The following CNR2 variants were observed in gnomAD, a reference collection of about 807,000 sequenced individuals.
CNR2 encodes cannabinoid receptor 2.
For missense variants in CNR2, 379 were observed against 439.9 expected (o/e 0.86, Z 1.24); for synonymous variants, 172 against 182.2 (o/e 0.94, Z 0.45).
At chr1:23,891,252 G>A (rs1417056633) in intron 1 of CNR2, among the ~76,000 whole-genome samples, 5 of 151,038 alleles carry the variant, frequency 3.3e-5, no homozygotes, top group Non-Finnish European at 1.5e-5. Context: ...GCTGTAGACT[G>A]TGGGGTTTTT....
intron 1 of CNR2, among the ~76,000 whole-genome samples, chr1:23,886,397 G>T (rs1228137864): frequency 2.0e-5 from 3 of 152,132 alleles, no homozygotes; most frequent in Admixed American, 6.5e-5. Context: ...CTGTCGAAAG[G>T]GAAGACAGGG....
At chr1:23,902,710 T>C (rs1031826979) in intron 1 of CNR2, 18 of 1,588,600 alleles carry the variant, frequency 1.1e-5, no homozygotes, top group Non-Finnish European at 1.5e-5. Context: ...TTGTTGAACA[T>C]GAGCGCGTTC....
Position 23,874,225 on chromosome 1 carries a change from TTGGCTCC to T in CNR2, c.*303_*309del. On this transcript the variant is annotated 3_prime_UTR_variant, in exon 2 of 2. Coordinates refer to ENST00000374472, the MANE Select transcript of CNR2 (RefSeq NM_001841.3). ...TCATTGCTGGGCCTGGAGGCTCGCT[TTGGCTCC>T]TGTGGTCTCTGGAGGATGCAGGCAT... is the stretch of plus-strand genomic sequence containing the variant. 1 of 249,296 alleles carries T rather than the reference TTGGCTCC, an allele frequency of 4.0e-6. No individual in the cohort carries two copies. The highest frequency in any genetic ancestry group is 7.8e-6 in the Non-Finnish European group (1 of 127,818). The allele number at this position is 249,296 out of a possible 1,614,324, so 15.4% of individuals were successfully genotyped here.
chr1:23,876,303 C>T (rs1639873133), intron 1 of CNR2, among the ~76,000 whole-genome samples: 1 of 151,550 alleles, frequency 6.6e-6, no homozygotes, highest in Non-Finnish European at 1.5e-5. Context: ...GCCTCCCAGG[C>T]ACAAGAGATT....
rs755166037 is a variant in CNR2 at position 23,875,660 on chromosome 1, T to C, written c.-43A>G. The C allele has an allele frequency of 6.5e-7, 1 of 1,545,626 alleles. No homozygotes were observed. Among genetic ancestry groups the C allele is most frequent in the Non-Finnish European group, 8.7e-7 (1 of 1,145,994 alleles). ...TTCCACTGAGCTTGTCTAGAAGGCT[T>C]TGCTGCAGTACAATGAGAAGAAGAA... On this transcript the variant is annotated splice_region_variant and 5_prime_UTR_variant, in exon 2 of 2. Transcript: ENST00000374472.
chr1:23,878,171 C>T (rs181161998), intron 1 of CNR2, among the ~76,000 whole-genome samples: 1 of 152,066 alleles, frequency 6.6e-6, no homozygotes, highest in Admixed American at 6.6e-5. Flanking sequence ...ATCCATCCAG[C>T]CTGGGCAACA....
chr1:23,880,240 C>T lies in CNR2; in HGVS notation c.-45-4578G>A, dbSNP rs943640541. 4.3e-5 allele frequency among the ~76,000 whole-genome samples: 6 copies of T among 140,356 alleles called. No homozygotes were observed. In the South Asian group the frequency reaches 1.3e-3, roughly 31 times the overall value. The allele number at this position is 140,356 out of a possible 152,430, so 92.1% of individuals were successfully genotyped here. On this transcript the variant is annotated intron_variant, in intron 1 of 1. Transcript: ENST00000374472. ...TCACCTAGGCTGGAGTGCAGTGGCA[C>T]AATCTCGGCTCACTGCAACCTCCGC...
rs190076244 is a variant in CNR2 at position 23,888,285 on chromosome 1, C to T, written c.-45-12623G>A. On this transcript the variant is annotated intron_variant, in intron 1 of 1. Coordinates refer to ENST00000374472, the MANE Select transcript of CNR2 (RefSeq NM_001841.3). ...AGTGAAGAGTGTTCTAGTTCCACCT[C>T]CACCATGGCTCATCAGGTGACTTTG... Among the ~76,000 whole-genome samples the T allele has an allele frequency of 1.9e-4, 29 of 152,312 alleles. No individual in the cohort carries two copies. In the East Asian group the frequency reaches 5.2e-3, roughly 27 times the overall value.
chr1:23,884,881 A>G (rs1360896613), intron 1 of CNR2, among the ~76,000 whole-genome samples: 3 of 151,106 alleles, frequency 2.0e-5, no homozygotes, highest in Non-Finnish European at 4.4e-5. Context: ...ACTCACTGCA[A>G]CCTCCACCTT....
Position 23,885,601 on chromosome 1 carries a change from C to T in CNR2, c.-45-9939G>A, listed in dbSNP as rs919504682. Among the ~76,000 whole-genome samples the T allele has an allele frequency of 5.9e-5, 9 of 152,218 alleles. No homozygotes were observed. In the East Asian group the frequency reaches 1.2e-3, roughly 20 times the overall value. On this transcript the variant is annotated intron_variant, in intron 1 of 1. Transcript: ENST00000374472. ...GTTGCTAAGAATGATATGCCTGGGCCGGGCGCGGCGGCTCACACCTGTAAT... is the reference window on the plus strand; with the variant it reads ...GTTGCTAAGAATGATATGCCTGGGCTGGGCGCGGCGGCTCACACCTGTAAT...
At chr1:23,894,613 C>T (rs558973521) in intron 1 of CNR2, among the ~76,000 whole-genome samples, 14 of 128,868 alleles carry the variant, frequency 1.1e-4, no homozygotes, top group African/African-American at 4.2e-4. Flanking sequence ...ACCAGCCTGG[C>T]CAACACCGTG....
At chr1:23,904,086 G>A (rs1178138200) in intron 1 of CNR2, among the ~76,000 whole-genome samples, 1 of 151,816 alleles carries the variant, frequency 6.6e-6, no homozygotes, top group African/African-American at 2.4e-5. Context: ...CACACTGCCT[G>A]AAGACAGGAA....
chr1:23,907,981 C>CTTTTTTTTTTTTTTTT (rs35507609), intron 1 of CNR2: 1 of 79,290 alleles, frequency 1.3e-5, no homozygotes. Flanking sequence ...CTAACTACTG[C>CTTTTTTTTTTTTTTTT]TTTTTTTTTT....
chr1:23,894,339 T>G (rs1640239548), intron 1 of CNR2, among the ~76,000 whole-genome samples: 2 of 151,982 alleles, frequency 1.3e-5, no homozygotes, highest in African/African-American at 4.8e-5. Flanking sequence ...GAGAATCACT[T>G]GAACTTGGGA....
chr1:23,898,335 C>CCAATTTTTTTT (rs1230917304), intron 1 of CNR2, among the ~76,000 whole-genome samples: 2 of 108,196 alleles, frequency 1.8e-5, no homozygotes, highest in Admixed American at 2.1e-4. Context: ...CCGCGCCCGG[C>CCAATTTTTTTT]TTTTTTTTTT....
At chr1:23,902,219 CT>C in intron 1 of CNR2, 1 of 1,068,868 alleles carries the variant, frequency 9.4e-7, no homozygotes, top group Non-Finnish European at 1.3e-6. Context: ...TGTTGAGGGC[CT>C]CCCGAGTGAC....
intron 1 of CNR2, among the ~76,000 whole-genome samples, chr1:23,908,398 G>A (rs1426742788): frequency 1.3e-5 from 2 of 152,154 alleles, no homozygotes; most frequent in South Asian, 2.1e-4. Context: ...GGGCTCAAGC[G>A]ATGCCTGGCT....
At chr1:23,877,786 C>A (rs557205781) in intron 1 of CNR2, among the ~76,000 whole-genome samples, 43 of 151,756 alleles carry the variant, frequency 2.8e-4, no homozygotes, top group Non-Finnish European at 5.0e-4. Context: ...CATGATGAAA[C>A]CCTGTCTCTA....
At chr1:23,880,574 T>C (rs1158931513) in intron 1 of CNR2, among the ~76,000 whole-genome samples, 1 of 151,958 alleles carries the variant, frequency 6.6e-6, no homozygotes, top group African/African-American at 2.4e-5. Flanking sequence ...TTTTAGTTTT[T>C]ATTTTTTTGA....
Sources: allele counts gnomAD v4.1 joint callset (sites outside exome capture counted in the v4.1 genomes callset), GRCh38; gene constraint gnomAD v4.1.1; transcripts MANE v1.5; gene names NCBI Gene and HGNC (gene_info 2026-07-23, HGNC 2026-07-21).